The following PPP3R1 variants were observed in gnomAD, a reference collection of about 807,000 sequenced individuals.
The protein encoded by PPP3R1 is protein phosphatase 3 regulatory subunit B, alpha.
In PPP3R1, 5 loss-of-function variants were observed where a neutral mutation model predicts 22.6. The ratio of observed to expected loss-of-function variants is 0.22; its 90% CI spans 0.12 to 0.46. The LOEUF (loss-of-function observed/expected upper bound fraction) is 0.46. Among genes scored for constraint, PPP3R1 ranks in the 20% least tolerant of loss-of-function variants. The pLI is 0.99. For missense variants in PPP3R1, 61 were observed against 203.2 expected, an observed-to-expected ratio of 0.30 and a Z score of 4.25; for synonymous variants, 56 against 65.2, an observed-to-expected ratio of 0.86 and a Z score of 0.68.
At chr2:68,189,812 T>C (rs1202594674) in intron 2 of PPP3R1, among the ~76,000 whole-genome samples, 1 of 152,144 alleles carries the variant, frequency 6.6e-6, no homozygotes, top group Non-Finnish European at 1.5e-5. Context: ...GAGGTTGCAG[T>C]AAGCTGAGAT....
chr2:68,198,153 A>G (rs988288137), intron 2 of PPP3R1, among the ~76,000 whole-genome samples: 6 of 145,000 alleles, frequency 4.1e-5, no homozygotes, highest in African/African-American at 1.5e-4. Context: ...TACAATACAC[A>G]TATATGTAAA....
At chr2:68,228,926 A>G (rs1669834026) in intron 1 of PPP3R1, among the ~76,000 whole-genome samples, 2 of 152,096 alleles carry the variant, frequency 1.3e-5, no homozygotes, top group Admixed American at 1.3e-4. Flanking sequence ...GGAAGTGTTT[A>G]GAGATTTTCC....
intron 2 of PPP3R1, among the ~76,000 whole-genome samples, chr2:68,211,423 A>G (rs971499062): frequency 1.3e-5 from 2 of 151,644 alleles, no homozygotes; most frequent in African/African-American, 4.8e-5. Context: ...AAAAAAAAAA[A>G]AACTCTATTG....
intron 1 of PPP3R1, among the ~76,000 whole-genome samples, chr2:68,234,260 G>A (rs1420916669): frequency 5.3e-5 from 8 of 151,916 alleles, no homozygotes; most frequent in African/African-American, 1.5e-4. Context: ...GGAGAATGGC[G>A]TGAACCTGGG....
intron 2 of PPP3R1, among the ~76,000 whole-genome samples, chr2:68,191,113 T>C (rs1674657591): frequency 6.6e-6 from 1 of 152,222 alleles, no homozygotes; most frequent in African/African-American, 2.4e-5. Flanking sequence ...ATGTAAATAC[T>C]GCTGCAAACA....
At chr2:68,251,541 C>G (rs1670352057) in intron 1 of PPP3R1, among the ~76,000 whole-genome samples, 1 of 152,178 alleles carries the variant, frequency 6.6e-6, no homozygotes. Flanking sequence ...GGCTGCGCAC[C>G]GCAGCTAAAC....
intron 1 of PPP3R1, among the ~76,000 whole-genome samples, chr2:68,229,571 C>T (rs1239598299): frequency 6.6e-6 from 1 of 152,032 alleles, no homozygotes; most frequent in Non-Finnish European, 1.5e-5. Flanking sequence ...TTTTGCAGTT[C>T]TACTGCTAAC....
chr2:68,206,715 A>C (rs1337078868), intron 2 of PPP3R1, among the ~76,000 whole-genome samples: 2 of 152,160 alleles, frequency 1.3e-5, no homozygotes, highest in African/African-American at 4.8e-5. Flanking sequence ...GTTTACCCAT[A>C]CTGTAATAAT....
intron 3 of PPP3R1, among the ~76,000 whole-genome samples, chr2:68,187,577 C>T (rs1674572041): frequency 6.6e-6 from 1 of 152,080 alleles, no homozygotes; most frequent in East Asian, 1.9e-4. Context: ...ACACTCAAAA[C>T]ATATTATTTA....
chr2:68,248,413 T>A (rs1282759534), intron 1 of PPP3R1, among the ~76,000 whole-genome samples: 1 of 152,384 alleles, frequency 6.6e-6, no homozygotes, highest in East Asian at 1.9e-4. Context: ...ATAACAATTA[T>A]GTCTTAAGTA....
chr2:68,229,659 A>G (rs368560023), intron 1 of PPP3R1, among the ~76,000 whole-genome samples: 1 of 152,260 alleles, frequency 6.6e-6, no homozygotes, highest in Middle Eastern at 3.4e-3. Flanking sequence ...GTCTCTGGTA[A>G]CTGCTTTGTT....
chr2:68,252,119 T>C lies in PPP3R1; in HGVS notation c.3+6A>G. 1 of 1,438,346 alleles carries C rather than the reference T, an allele frequency of 7.0e-7. No individual in the cohort carries two copies. 89.1% of individuals were successfully genotyped at this position (1,438,346 alleles called of 1,614,324 possible). On this transcript the variant is annotated splice_donor_region_variant and intron_variant, in intron 1 of 5. Coordinates refer to ENST00000234310, the MANE Select transcript of PPP3R1 (RefSeq NM_000945.4). The stretch of plus-strand genomic sequence containing the variant: ...GGATGGTGCATCGAGGAAGCCAAGG[T>C]CTCACCATTTTGCTCGGCGGGTCGG...
At position 68,217,039 on chromosome 2, in the gene PPP3R1, C is replaced by CACACAGAG. The variant is rs374427852; in HGVS notation, c.43+52_43+53insCTCTGTGT. The CACACAGAG allele has an allele frequency of 1.3e-3, 1,399 of 1,085,182 alleles. 5 individuals are homozygous for CACACAGAG. In the East Asian group the frequency reaches 0.033, roughly 26 times the overall value. 67.2% of individuals were successfully genotyped at this position (1,085,182 alleles called of 1,614,324 possible). ...ACACACACACACACACACACACACA[C>CACACAGAG]AGAGAGAGATGAGTGAATAAAAGTA... On this transcript the variant is annotated intron_variant, in intron 2 of 5. Coordinates refer to ENST00000234310, the MANE Select transcript of PPP3R1 (RefSeq NM_000945.4).
intron 5 of PPP3R1, among the ~76,000 whole-genome samples, chr2:68,182,926 A>G (rs1674445425): frequency 6.6e-6 from 1 of 152,094 alleles, no homozygotes; most frequent in African/African-American, 2.4e-5. Context: ...ATATTATGTA[A>G]TTCTATCAAT....
intron 1 of PPP3R1, among the ~76,000 whole-genome samples, chr2:68,240,088 T>C (rs1670090780): frequency 6.6e-6 from 1 of 152,216 alleles, no homozygotes; most frequent in African/African-American, 2.4e-5. Context: ...ATTCAACGCA[T>C]TTTCAACTTA....
At chr2:68,213,357 C>A (rs975614048) in intron 2 of PPP3R1, among the ~76,000 whole-genome samples, 9 of 152,048 alleles carry the variant, frequency 5.9e-5, no homozygotes, top group Admixed American at 2.0e-4. Flanking sequence ...TATTAACTAG[C>A]CTAATTTCAA....
intron 4 of PPP3R1, among the ~76,000 whole-genome samples, 176 bp from the exon 5 acceptor site, chr2:68,186,828 G>A (rs758321865): frequency 1.3e-5 from 2 of 152,200 alleles, no homozygotes; most frequent in Non-Finnish European, 2.9e-5. Flanking sequence ...AAACGTACGG[G>A]CTTTTGAGAC....
chr2:68,186,802 T>TTTAC, intron 4 of PPP3R1, 150 bp from the exon 5 acceptor site: 1 of 816,120 alleles, frequency 1.2e-6, no homozygotes, highest in East Asian at 2.7e-5. Flanking sequence ...TTAGGCACAG[T>TTTAC]TTAACATAGT....
chr2:68,242,991 C>T (rs1371488198), intron 1 of PPP3R1, among the ~76,000 whole-genome samples: 4 of 152,080 alleles, frequency 2.6e-5, no homozygotes, highest in Non-Finnish European at 4.4e-5. Flanking sequence ...AGCTGGTCAA[C>T]GCACCAGTGA....
Sources: allele counts gnomAD v4.1 joint callset (sites outside exome capture counted in the v4.1 genomes callset), GRCh38; gene constraint gnomAD v4.1.1; transcripts MANE v1.5; gene names NCBI Gene and HGNC (gene_info 2026-07-23, HGNC 2026-07-21).